The following ANKRD44 variants were observed in gnomAD, a reference collection of about 807,000 sequenced individuals.
The protein encoded by ANKRD44 is ankyrin repeat domain 44.
A neutral mutation model predicts 116.0 loss-of-function variants in ANKRD44; 35 were observed. The ratio of observed to expected loss-of-function variants is 0.30; its 90% CI spans 0.23 to 0.40. The LOEUF is 0.40. Among genes scored for constraint, ANKRD44 ranks in the 10% least tolerant of loss-of-function variants. The probability of loss-of-function intolerance (pLI) is 1.00; values close to 1 mark genes in which losing one functional copy is unlikely to be tolerated. For missense variants in ANKRD44, 1,014 were observed against 1,242.6 expected, an observed-to-expected ratio of 0.82 and a Z score of 2.77; for synonymous variants, 435 against 461.8, an observed-to-expected ratio of 0.94 and a Z score of 0.74.
intron 1 of ANKRD44, among the ~76,000 whole-genome samples, chr2:197,286,172 T>C (rs1166653084): frequency 6.6e-6 from 1 of 152,202 alleles, no homozygotes; most frequent in Non-Finnish European, 1.5e-5. Context: ...CATCTTTTGC[T>C]TCAAAAGATT....
At chr2:197,067,865 A>G (rs2077467831) in intron 16 of ANKRD44, among the ~76,000 whole-genome samples, 1 of 139,764 alleles carries the variant, frequency 7.2e-6, no homozygotes, top group Non-Finnish European at 1.5e-5. Context: ...TACTGGGTAT[A>G]TACCCAAAGG....
At position 196,989,649 on chromosome 2, in the gene ANKRD44, G is replaced by A. The variant is rs1024744956; in HGVS notation, c.2924C>T (p.Ala975Val). ...GACVLAVDEN[A>V]SRSNGPRSTP... is the part of the protein sequence containing the mutation. ...GGAACGGGGTCCATTTGACCTAGAA[G>A]CTTTGGCAGAGGGAGCAGACACAGT... The change falls in exon 28 of 28, where the codon GCT (alanine) becomes GTT (valine). Residue 975 changes from alanine to valine, a missense_variant and splice_region_variant. Physicochemically the swap from Ala to Val is moderately conservative, Grantham distance 64. Coordinates refer to ENST00000282272, the MANE Select transcript of ANKRD44 (RefSeq NM_001195144.2). The A allele has an allele frequency of 6.5e-7, 1 of 1,550,104 alleles. No individual in the cohort carries two copies. The highest frequency in any genetic ancestry group is 1.4e-5 in the African/African-American group (1 of 73,034).
chr2:197,248,546 A>G (rs2082242490), intron 1 of ANKRD44, among the ~76,000 whole-genome samples: 1 of 123,054 alleles, frequency 8.1e-6, no homozygotes, highest in Non-Finnish European at 1.7e-5. Flanking sequence ...TATTATACAT[A>G]TATGTATATG....
In ANKRD44 at chr2:197,200,377, T is replaced by A. The variant is rs117869207; in HGVS notation, c.28-13271A>T. 1.3e-3 allele frequency among the ~76,000 whole-genome samples: 196 copies of A among 152,274 alleles called. 3 individuals are homozygous for A. The East Asian group carries it at 0.03, about 23-fold the overall frequency. ...GGAAGGAAAAAAATGTATTTTGGAA[T>A]GACAAATGAGGCAGGGCACAGCACT... is the stretch of plus-strand genomic sequence containing the variant. On this transcript the variant is annotated intron_variant, in intron 1 of 27. Coordinates refer to ENST00000282272, the MANE Select transcript of ANKRD44 (RefSeq NM_001195144.2).
chr2:197,307,318 C>G (rs543077050), intron 1 of ANKRD44, among the ~76,000 whole-genome samples: 1 of 152,090 alleles, frequency 6.6e-6, no homozygotes, highest in South Asian at 2.1e-4. Context: ...CACAGGGTAA[C>G]CAGTTCCTCC....
chr2:197,301,917 TAAAG>T (rs894982110), intron 1 of ANKRD44, among the ~76,000 whole-genome samples: 2 of 151,990 alleles, frequency 1.3e-5, no homozygotes, highest in African/African-American at 2.4e-5. Flanking sequence ...TGGAGGAAAA[TAAAG>T]AAAGGCAGAC....
chr2:196,995,981 C>CTCACTGTT (rs1297368242), intron 25 of ANKRD44, among the ~76,000 whole-genome samples: 1 of 152,164 alleles, frequency 6.6e-6, no homozygotes, highest in East Asian at 1.9e-4. Context: ...TTGTTTTCTT[C>CTCACTGTT]TTCAATCAGT....
intron 1 of ANKRD44, among the ~76,000 whole-genome samples, chr2:197,253,058 G>A (rs772945560): frequency 9.9e-5 from 15 of 152,096 alleles, no homozygotes; most frequent in Non-Finnish European, 1.3e-4. Flanking sequence ...GGAATTCTTA[G>A]TCCTATTACA....
chr2:196,989,922 G>A, intron 27 of ANKRD44: 11 of 1,108,758 alleles, frequency 9.9e-6, no homozygotes, highest in Non-Finnish European at 1.2e-5. Flanking sequence ...TACTATTTTT[G>A]CATATTGTGT....
chr2:197,222,469 A>G (rs1261239582), intron 1 of ANKRD44, among the ~76,000 whole-genome samples: 1 of 152,210 alleles, frequency 6.6e-6, no homozygotes, highest in Non-Finnish European at 1.5e-5. Flanking sequence ...GCTTTAAAAA[A>G]CATTCTCTGC....
chr2:197,168,235 GGAAT>G lies in ANKRD44; in HGVS notation c.111+18784_111+18787del, dbSNP rs1574595385. On this transcript the variant is annotated intron_variant, in intron 2 of 27. Transcript: ENST00000282272. ...GAAAAGCTATCCCACTGTGCCTGTT[GGAAT>G]TCTTAACCCACAAAATCCATGAGCA... is the stretch of plus-strand genomic sequence containing the variant. Among the ~76,000 whole-genome samples the G allele has an allele frequency of 2.6e-5, 4 of 152,124 alleles. No individual in the cohort carries two copies. In the East Asian group the frequency reaches 7.7e-4, roughly 29 times the overall value.
chr2:197,238,959 C>T (rs1378103581), intron 1 of ANKRD44, among the ~76,000 whole-genome samples: 2 of 152,020 alleles, frequency 1.3e-5, no homozygotes, highest in Admixed American at 1.3e-4. Context: ...CTCGTCCTGG[C>T]CCCCCAACCC....
At position 197,276,336 on chromosome 2, in the gene ANKRD44, A is replaced by G. The variant is rs200054218; in HGVS notation, c.27+34242T>C. 5.3e-5 allele frequency among the ~76,000 whole-genome samples: 8 copies of G among 151,604 alleles called. No homozygotes were observed. In the East Asian group the frequency reaches 1.4e-3, roughly 26 times the overall value. On this transcript the variant is annotated intron_variant, in intron 1 of 27. Coordinates refer to ENST00000282272, the MANE Select transcript of ANKRD44 (RefSeq NM_001195144.2). ...AACTTTGCTAAGAGTTTTTTACACC[A>G]TCTCTAAAAATGATGACTCTTACAG...
chr2:197,177,800 G>A lies in ANKRD44; in HGVS notation c.111+9223C>T, dbSNP rs963138970. 4.6e-5 allele frequency among the ~76,000 whole-genome samples: 7 copies of A among 152,138 alleles called. No individual in the cohort carries two copies. The South Asian group carries it at 1.5e-3, about 32-fold the overall frequency. ...CCCACAAATACACATGATATCTGCT[G>A]TTTAACAACTGTTTCACTCAAAAAT... On this transcript the variant is annotated intron_variant, in intron 2 of 27. Coordinates refer to ENST00000282272, the MANE Select transcript of ANKRD44 (RefSeq NM_001195144.2).
intron 3 of ANKRD44, among the ~76,000 whole-genome samples, chr2:197,141,055 A>G (rs539617266): frequency 6.6e-6 from 1 of 152,272 alleles, no homozygotes; most frequent in East Asian, 1.9e-4. Flanking sequence ...CGTCTCCACT[A>G]AAGATACAAA....
intron 1 of ANKRD44, among the ~76,000 whole-genome samples, chr2:197,276,447 A>G (rs2083087445): frequency 6.6e-6 from 1 of 152,034 alleles, no homozygotes; most frequent in Admixed American, 6.6e-5. Context: ...AGTGATAAAC[A>G]AGAAAAGACT....
intron 2 of ANKRD44, among the ~76,000 whole-genome samples, chr2:197,151,534 T>G (rs529750900): frequency 6.6e-6 from 1 of 152,284 alleles, no homozygotes; most frequent in East Asian, 1.9e-4. Flanking sequence ...TCTAAAATTT[T>G]GGTCTAAGAG....
chr2:197,104,897 T>G (rs2078387143), intron 9 of ANKRD44, among the ~76,000 whole-genome samples: 1 of 152,230 alleles, frequency 6.6e-6, no homozygotes, highest in South Asian at 2.1e-4. Context: ...TTCCCTCTAC[T>G]CTCAAGACTT....
intron 10 of ANKRD44, among the ~76,000 whole-genome samples, chr2:197,094,588 T>C (rs1307666910): frequency 1.3e-5 from 2 of 152,246 alleles, no homozygotes; most frequent in East Asian, 3.8e-4. Context: ...GTTATCTTTC[T>C]GTGTGTCTAA....
Sources: gnomAD v4.1 joint callset for allele counts (sites outside exome capture counted in the v4.1 genomes callset) on GRCh38, gnomAD v4.1.1 for gene constraint, MANE v1.5 for transcripts, NCBI Gene and HGNC (gene_info 2026-07-23, HGNC 2026-07-21) for gene names.